DLG4: variants seen among roughly 807,000 people sequenced by gnomAD.
The protein encoded by DLG4 is discs large MAGUK scaffold protein 4, also known as disks large homolog 4.
DLG4 carries 7 observed loss-of-function variants against 93.8 expected under a neutral mutation model. That is an observed-to-expected ratio of 0.07 (90% CI 0.04 to 0.14). DLG4 has a LOEUF of 0.14. DLG4 is among the 10% of genes least tolerant of loss of function. The pLI, the probability that DLG4 is intolerant of heterozygous loss-of-function variation, is 1.00. For missense variants in DLG4, 545 were observed against 992.9 expected (o/e 0.55, Z 6.06); for synonymous variants, 341 against 387.6 (o/e 0.88, Z 1.41).
intron 1 of DLG4, 51 bp downstream of exon 1, chr17:7,217,067 C>T: frequency 8.0e-7 from 1 of 1,256,388 alleles, no homozygotes; most frequent in Non-Finnish European, 1.0e-6. Flanking sequence ...CTAACCCCTC[C>T]CCACAAACTC....
chr17:7,191,501 C>A lies in DLG4; in HGVS notation c.1977-143G>T. 1 of 737,012 alleles carries A rather than the reference C, an allele frequency of 1.4e-6. No homozygotes were observed. Among genetic ancestry groups the A allele is most frequent in the Non-Finnish European group, 2.3e-6 (1 of 441,630 alleles). 45.7% of individuals were successfully genotyped at this position (737,012 alleles called of 1,614,324 possible). ...TACAATTCCCAATATCCTCTGGGGC[C>A]ACAGATGAGAACCACCCCCCACCCC... On this transcript the variant is annotated intron_variant, in intron 18 of 19. Coordinates refer to ENST00000399506, the MANE Select transcript of DLG4 (RefSeq NM_001321075.3). The surrounding 1 kb of genome is among the most constrained non-coding windows in gnomAD (Gnocchi z 6.6).
intron 8 of DLG4, among the ~76,000 whole-genome samples, chr17:7,198,032 G>T (rs955653388): frequency 1.3e-5 from 2 of 152,104 alleles, no homozygotes; most frequent in African/African-American, 4.8e-5. Flanking sequence ...TTAATGGTAG[G>T]TTCAGGGTCA....
chr17:7,197,189 T>C, intron 8 of DLG4, 137 bp from the exon 9 acceptor site: 1 of 826,110 alleles, frequency 1.2e-6, no homozygotes, highest in Non-Finnish European at 1.9e-6. Flanking sequence ...GGTGGGGTGG[T>C]AAGGGGATAT....
At chr17:7,218,507 G>A, upstream of DLG4, 1 of 1,546,830 alleles carries the variant, frequency 6.5e-7, no homozygotes, top group Non-Finnish European at 8.8e-7. Flanking sequence ...ATGGCCCTTG[G>A]AGGCCCAGGT....
At position 7,193,661 on chromosome 17, in the gene DLG4, G is replaced by C. The variant is rs369111961; in HGVS notation, c.1591+6C>G. ...TGCTGGGGCCAAGGCAGGGGCCAGG[G>C]CTCACCTTCCATCTGCGTCACTGTC... On this transcript the variant is annotated splice_donor_region_variant and intron_variant, in intron 15 of 19. Coordinates refer to ENST00000399506, the MANE Select transcript of DLG4 (RefSeq NM_001321075.3). This position sits in a 1 kb window ranked among gnomAD's most constrained non-coding sequence, Gnocchi z 6.7. The C allele has an allele frequency of 1.7e-5, 26 of 1,546,836 alleles. No homozygotes were observed. The highest frequency in any genetic ancestry group is 2.3e-5 in the Non-Finnish European group (26 of 1,147,492).
Position 7,194,129 on chromosome 17 carries a change from G to A in DLG4, c.1479-129C>T, listed in dbSNP as rs2069645100. ...TGACACCCCTTCTCCTGCAGCCCTG[G>A]ACACTGTGCTCCTCAATAAGGAGTT... On this transcript the variant is annotated intron_variant, in intron 12 of 19. Transcript: ENST00000399506. This position sits in a 1 kb window ranked among gnomAD's most constrained non-coding sequence, Gnocchi z 4.4. 1.5e-6 allele frequency: 2 copies of A among 1,362,582 alleles called. No individual in the cohort carries two copies. Among genetic ancestry groups the A allele is most frequent in the South Asian group, 2.7e-5 (2 of 72,908 alleles). 84.4% of individuals were successfully genotyped at this position (1,362,582 alleles called of 1,614,324 possible). A position where few individuals can be genotyped will look rare whatever the true frequency, so the allele number is the denominator to read the frequency against.
chr17:7,216,472 G>A (rs2070921691), intron 1 of DLG4, among the ~76,000 whole-genome samples: 1 of 152,152 alleles, frequency 6.6e-6, no homozygotes, highest in African/African-American at 2.4e-5. Context: ...CATTCCCTCA[G>A]GTGATCCCAT....
Position 7,187,305 on chromosome 17 carries a change from CG to C in DLG4, c.*3402del, listed in dbSNP as rs1162326169. Among the ~76,000 whole-genome samples, 1 of 28,800 alleles carries C rather than the reference CG, an allele frequency of 3.5e-5. No individual in the cohort carries two copies. Among genetic ancestry groups the C allele is most frequent in the Non-Finnish European group, 1.3e-4 (1 of 7,752 alleles). 18.9% of individuals were successfully genotyped at this position (28,800 alleles called of 152,430 possible). ...CTGTAATCCTAGCACTTTGGGAGGC[CG>C]AGGGGGGGGGGGGTGGATCACCCGA... On this transcript the variant is annotated 3_prime_UTR_variant, in exon 20 of 20. Transcript: ENST00000399506.
upstream of DLG4, chr17:7,217,922 C>G: frequency 8.8e-7 from 1 of 1,137,202 alleles, no homozygotes; most frequent in South Asian, 1.4e-5. Flanking sequence ...GGTAGGGGGT[C>G]GGGTGTGAGG....
rs1481536447 is a variant in DLG4 at position 7,190,442 on chromosome 17, G to A, written c.*266C>T. 2 of 476,058 alleles carry A rather than the reference G, an allele frequency of 4.2e-6. No homozygotes were observed. The highest frequency in any genetic ancestry group is 7.7e-6 in the Non-Finnish European group (2 of 260,150). 29.5% of individuals were successfully genotyped at this position (476,058 alleles called of 1,614,324 possible). A position where few individuals can be genotyped will look rare whatever the true frequency, so the allele number is the denominator to read the frequency against. Reference sequence around the variant, plus strand: ...TGTGCATTGGGGGCAGGTGGGGGCGGGGATCCTAAGGAGCAAGGGCTCGGA... The same window carrying A: ...TGTGCATTGGGGGCAGGTGGGGGCGAGGATCCTAAGGAGCAAGGGCTCGGA... On this transcript the variant is annotated 3_prime_UTR_variant, in exon 20 of 20. Coordinates refer to ENST00000399506, the MANE Select transcript of DLG4 (RefSeq NM_001321075.3).
intron 1 of DLG4, among the ~76,000 whole-genome samples, chr17:7,211,236 G>A (rs550609331): frequency 2.0e-5 from 3 of 151,866 alleles, no homozygotes; most frequent in East Asian, 3.9e-4. Context: ...AAAGCAGGAC[G>A]GGAAAGGAGG....
upstream of DLG4, chr17:7,219,185 T>C (rs2071071831): frequency 1.1e-5 from 4 of 368,126 alleles, no homozygotes; most frequent in Admixed American, 4.4e-5. Context: ...GAAAAAGGGG[T>C]AGAAATTGTT....
Position 7,208,075 on chromosome 17 carries a change from C to A in DLG4, c.96+99G>T. On this transcript the variant is annotated intron_variant, in intron 2 of 19. Coordinates refer to ENST00000399506, the MANE Select transcript of DLG4 (RefSeq NM_001321075.3). The surrounding 1 kb of genome is among the most constrained non-coding windows in gnomAD (Gnocchi z 5.4). ...GGAGGGGGCCACCAGGGTCTCCTAC[C>A]TTGAAGGGGGAGAGGTGGGCGTGGC... 2 of 1,312,998 alleles carry A rather than the reference C, an allele frequency of 1.5e-6. No individual in the cohort carries two copies. The highest frequency in any genetic ancestry group is 4.1e-4 in the Middle Eastern group (2 of 4,914). 81.3% of individuals were successfully genotyped at this position (1,312,998 alleles called of 1,614,324 possible). A position where few individuals can be genotyped will look rare whatever the true frequency, so the allele number is the denominator to read the frequency against.
rs891855046 is a variant in DLG4 at position 7,188,332 on chromosome 17, G to A, written c.*2376C>T. Among the ~76,000 whole-genome samples, 2 of 152,122 alleles carry A rather than the reference G, an allele frequency of 1.3e-5. No individual in the cohort carries two copies. The highest frequency in any genetic ancestry group is 4.8e-5 in the African/African-American group (2 of 41,412). On this transcript the variant is annotated 3_prime_UTR_variant, in exon 20 of 20. Transcript: ENST00000399506. ...TCCACAGAATCACTACCCCTGGGTTGGTCTTTTGCATGAAACTCTCAACTT... is the reference window on the plus strand; with the variant it reads ...TCCACAGAATCACTACCCCTGGGTTAGTCTTTTGCATGAAACTCTCAACTT...
chr17:7,199,906 G>C (rs1009166884), intron 8 of DLG4, among the ~76,000 whole-genome samples: 7 of 151,630 alleles, frequency 4.6e-5, no homozygotes, highest in African/African-American at 1.2e-4. Context: ...CATGAACCCG[G>C]GAGGCGGAGC....
chr17:7,196,648 T>C lies in DLG4; in HGVS notation c.1084-73A>G. On this transcript the variant is annotated intron_variant, in intron 9 of 19. Coordinates refer to ENST00000399506, the MANE Select transcript of DLG4 (RefSeq NM_001321075.3). This position sits in a 1 kb window ranked among gnomAD's most constrained non-coding sequence, Gnocchi z 8.3. ...TTCTGGGTCCAGGTGGAGCAGGGAG[T>C]GGTCCCGCAAGAGGACTCGGCTGCA... is the stretch of plus-strand genomic sequence containing the variant. The C allele has an allele frequency of 6.3e-7, 1 of 1,595,486 alleles. No individual in the cohort carries two copies. The highest frequency in any genetic ancestry group is 1.3e-5 in the African/African-American group (1 of 74,328).
At chr17:7,211,730 G>A (rs1248925626) in intron 1 of DLG4, 2 of 473,718 alleles carry the variant, frequency 4.2e-6, no homozygotes, top group Non-Finnish European at 5.4e-6. Flanking sequence ...AGGGAAGGGG[G>A]TAGGTGGGAT....
chr17:7,212,230 T>C (rs1447971307), intron 1 of DLG4, among the ~76,000 whole-genome samples: 2 of 152,076 alleles, frequency 1.3e-5, no homozygotes, highest in Non-Finnish European at 2.9e-5. Context: ...GTGGATAGCA[T>C]CTCCTCAGAT....
intron 2 of DLG4, among the ~76,000 whole-genome samples, chr17:7,206,328 T>A (rs2070461352): frequency 6.6e-6 from 1 of 152,070 alleles, no homozygotes; most frequent in Non-Finnish European, 1.5e-5. Context: ...AAGATTATTC[T>A]CAAGTAACAA....
Sources: gnomAD v4.1 joint callset for allele counts (sites outside exome capture counted in the v4.1 genomes callset) on GRCh38, gnomAD v4.1.1 for gene constraint, Gnocchi (gnomAD v3.1) non-coding constraint, MANE v1.5 for transcripts, NCBI Gene and HGNC (gene_info 2026-07-23, HGNC 2026-07-21) for gene names.